Variants in TENM2 observed in about 807,000 individuals in gnomAD.
The protein encoded by TENM2 is teneurin transmembrane protein 2, also known as teneurin-2.
Under a neutral mutation model 245.2 loss-of-function variants are expected in TENM2, and 52 were observed. The ratio of observed to expected loss-of-function variants is 0.21; its 90% CI spans 0.17 to 0.27. The LOEUF is 0.27. Among genes scored for constraint, TENM2 ranks in the 10% least tolerant of loss-of-function variants. TENM2 has a pLI of 1.00. For synonymous variants in TENM2, 1,363 were observed against 1,438.9 expected, an observed-to-expected ratio of 0.95 and a Z score of 1.19; for missense variants, 3,046 against 3,666.8, an observed-to-expected ratio of 0.83 and a Z score of 4.37.
chr5:167,911,793 C>G (rs903748014), intron 3 of TENM2, among the ~76,000 whole-genome samples: 1 of 152,274 alleles, frequency 6.6e-6, no homozygotes, highest in East Asian at 1.9e-4. Context: ...TACAGAAATA[C>G]GTACAACTGG....
intron 2 of TENM2, among the ~76,000 whole-genome samples, chr5:167,519,342 G>A (rs971693918): frequency 6.6e-6 from 1 of 152,054 alleles, no homozygotes; most frequent in African/African-American, 2.4e-5. Context: ...TCGACCGGTT[G>A]ATCAATTAAG....
At chr5:167,822,850 A>C (rs1190916670) in intron 2 of TENM2, among the ~76,000 whole-genome samples, 1 of 152,212 alleles carries the variant, frequency 6.6e-6, no homozygotes, top group Non-Finnish European at 1.5e-5. Context: ...ATGCAATTGC[A>C]TTTCTACTTT....
intron 13 of TENM2, among the ~76,000 whole-genome samples, chr5:168,169,458 G>C (rs1480929938): frequency 2.0e-5 from 3 of 152,190 alleles, no homozygotes; most frequent in African/African-American, 7.2e-5. Flanking sequence ...CTCCAGCCAG[G>C]TCTAAATGAG....
chr5:167,214,677 A>G, the TENM2 span, among the ~76,000 whole-genome samples: 1 of 152,190 alleles, frequency 6.6e-6, no homozygotes, highest in Non-Finnish European at 1.5e-5. Flanking sequence ...TTGATTAGCA[A>G]TGATGGACCC....
intron 1 of TENM2, among the ~76,000 whole-genome samples, chr5:167,325,684 T>A: frequency 6.6e-6 from 1 of 152,350 alleles, no homozygotes; most frequent in Admixed American, 6.5e-5. Flanking sequence ...CAGGGGTTTA[T>A]AATAAATATC....
chr5:167,081,144 G>T, the TENM2 span, among the ~76,000 whole-genome samples: 3 of 151,656 alleles, frequency 2.0e-5, no homozygotes, highest in African/African-American at 7.3e-5. Flanking sequence ...TCTTCAAGCA[G>T]AAGATGGTGC....
At chr5:167,377,789 A>T (rs1375032051) in intron 2 of TENM2, among the ~76,000 whole-genome samples, 1 of 152,144 alleles carries the variant, frequency 6.6e-6, no homozygotes, top group Admixed American at 6.6e-5. Context: ...TATCATATAG[A>T]TTGACAGTTG....
At chr5:167,208,403 T>G in the TENM2 span, among the ~76,000 whole-genome samples, 1 of 152,182 alleles carries the variant, frequency 6.6e-6, no homozygotes, top group Admixed American at 6.5e-5. Flanking sequence ...TTCCACATCC[T>G]AAGGAGAAAG....
chr5:167,846,299 G>A (rs1458620016), intron 2 of TENM2, among the ~76,000 whole-genome samples: 1 of 152,216 alleles, frequency 6.6e-6, no homozygotes, highest in African/African-American at 2.4e-5. Flanking sequence ...TGAATTTGAA[G>A]TGTTAGTAAA....
intron 12 of TENM2, among the ~76,000 whole-genome samples, chr5:168,137,614 A>C (rs927271850): frequency 6.6e-6 from 1 of 152,222 alleles, no homozygotes; most frequent in African/African-American, 2.4e-5. Flanking sequence ...GGGCAAGGAG[A>C]TTGTTTCCCT....
At chr5:167,239,916 G>A in the TENM2 span, among the ~76,000 whole-genome samples, 11 of 152,242 alleles carry the variant, frequency 7.2e-5, no homozygotes, top group African/African-American at 2.2e-4. Context: ...GGGATGACAG[G>A]CACGCGCCAC....
At chr5:167,699,012 T>C (rs553886410) in intron 2 of TENM2, among the ~76,000 whole-genome samples, 2 of 152,232 alleles carry the variant, frequency 1.3e-5, no homozygotes, top group African/African-American at 4.8e-5. Context: ...AATAATGAAG[T>C]TCCTTTTAAA....
intron 2 of TENM2, among the ~76,000 whole-genome samples, chr5:167,700,949 TAAAAAA>T (rs781480259): frequency 1.3e-5 from 1 of 79,892 alleles, no homozygotes; most frequent in East Asian, 5.5e-4. Flanking sequence ...TTATATTTCT[TAAAAAA>T]AAAAAAAAAA....
intron 2 of TENM2, among the ~76,000 whole-genome samples, chr5:167,685,305 A>G (rs1419221866): frequency 6.6e-6 from 1 of 152,184 alleles, no homozygotes; most frequent in Non-Finnish European, 1.5e-5. Context: ...CTGCCATGCC[A>G]AAATAAGCTC....
intron 12 of TENM2, among the ~76,000 whole-genome samples, chr5:168,137,027 G>A (rs1755111798): frequency 6.6e-6 from 1 of 152,098 alleles, no homozygotes; most frequent in Admixed American, 6.5e-5. Flanking sequence ...GCTCTTTGAG[G>A]CCACTCCATT....
chr5:167,296,078 AG>A (rs1333599978), intron 1 of TENM2, among the ~76,000 whole-genome samples: 5 of 152,144 alleles, frequency 3.3e-5, no homozygotes, highest in Non-Finnish European at 7.4e-5. Flanking sequence ...TTCAAGAATG[AG>A]GGGGGAAAAG....
At position 168,204,437 on chromosome 5, in the gene TENM2, A is replaced by G. The variant is rs1340275035; in HGVS notation, c.3640A>G (p.Ile1214Val). 6.2e-6 allele frequency: 10 copies of G among 1,613,834 alleles called. No homozygotes were observed. In the African/African-American group the frequency reaches 9.3e-5, roughly 15 times the overall value. Residue 1214 changes from isoleucine (I) to valine (V), a missense_variant, in exon 19 of 29, where the codon ATC becomes GTC. Ile to Val is a conservative substitution (Grantham distance 29). This residue lies in a region of TENM2 where 2,704 missense variants were observed against 3,331.9 expected (regional missense o/e 0.81). Transcript: ENST00000518659. ...CCAGCAGCCTGCCATCATCACCAGC[A>G]TCATGGGCAATGGTCGCCGCCGGAG...
intron 2 of TENM2, among the ~76,000 whole-genome samples, chr5:167,426,717 T>C (rs545407266): frequency 6.6e-6 from 1 of 152,310 alleles, no homozygotes; most frequent in African/African-American, 2.4e-5. Flanking sequence ...GTTGATACAA[T>C]TTGAGCTATT....
chr5:167,498,941 G>T (rs574126595), intron 2 of TENM2, among the ~76,000 whole-genome samples: 9 of 152,168 alleles, frequency 5.9e-5, no homozygotes, highest in African/African-American at 2.2e-4. Flanking sequence ...CCAAGGTTAA[G>T]AACTGCATTT....
Sources: allele counts gnomAD v4.1 joint callset (sites outside exome capture counted in the v4.1 genomes callset), GRCh38; gene constraint gnomAD v4.1.1; regional missense constraint gnomAD v4.1.1; transcripts MANE v1.5; gene names NCBI Gene and HGNC (gene_info 2026-07-23, HGNC 2026-07-21).